Variants in RCL1 observed in about 807,000 individuals in gnomAD.
RCL1 encodes the protein RNA 3'-terminal phosphate cyclase-like protein.
In RCL1, 24 loss-of-function variants were observed where a neutral mutation model predicts 42.4. The observed-to-expected ratio is 0.57, with a 90% confidence interval of 0.41 to 0.80. The LOEUF (loss-of-function observed/expected upper bound fraction) is 0.80, where lower values mean the gene tolerates loss of function less well. Among genes scored for constraint, RCL1 ranks in the 30% least tolerant of loss-of-function variants. The probability of loss-of-function intolerance (pLI) is 0.00; values close to 1 mark genes in which losing one functional copy is unlikely to be tolerated. For missense variants in RCL1, 578 were observed against 467.9 expected (o/e 1.24, Z -2.17); for synonymous variants, 228 against 177.3 (o/e 1.29, Z -2.27).
chr9:4,820,843 C>G (rs146193956), intron 1 of RCL1, among the ~76,000 whole-genome samples: 1 of 152,330 alleles, frequency 6.6e-6, no homozygotes, highest in African/African-American at 2.4e-5. Context: ...CAGATACTTT[C>G]AAACTCCTGT....
intron 6 of RCL1, among the ~76,000 whole-genome samples, chr9:4,842,510 G>A (rs539277521): frequency 6.7e-4 from 102 of 152,330 alleles, no homozygotes; most frequent in Non-Finnish European, 1.3e-3. Context: ...GGCAAAGCTG[G>A]ACTTTCTGGC....
intron 1 of RCL1, among the ~76,000 whole-genome samples, chr9:4,819,848 A>G (rs1217372442): frequency 6.6e-6 from 1 of 152,174 alleles, no homozygotes; most frequent in Admixed American, 6.5e-5. Flanking sequence ...CAACTTTACC[A>G]CTACTCAATA....
chr9:4,810,314 C>G (rs988330685), intron 1 of RCL1, among the ~76,000 whole-genome samples: 2 of 152,160 alleles, frequency 1.3e-5, no homozygotes, highest in African/African-American at 4.8e-5. Context: ...TGCCAGCATC[C>G]TCCCATGCTT....
chr9:4,855,924 A>G (rs1817945240), intron 8 of RCL1, among the ~76,000 whole-genome samples: 1 of 152,210 alleles, frequency 6.6e-6, no homozygotes, highest in African/African-American at 2.4e-5. Context: ...AGAGATCAGA[A>G]GCAAGCTGAG....
At chr9:4,821,605 A>G (rs1326051665) in intron 1 of RCL1, among the ~76,000 whole-genome samples, 1 of 152,196 alleles carries the variant, frequency 6.6e-6, no homozygotes, top group African/African-American at 2.4e-5. Context: ...GTGGAAGAGC[A>G]AGAGAGGGAG....
At chr9:4,858,066 T>C (rs1818024022) in intron 8 of RCL1, among the ~76,000 whole-genome samples, 1 of 151,954 alleles carries the variant, frequency 6.6e-6, no homozygotes, top group Non-Finnish European at 1.5e-5. Context: ...AATTTTTTTG[T>C]AGAGATGGGG....
intron 1 of RCL1, among the ~76,000 whole-genome samples, chr9:4,807,992 T>G (rs1014765937): frequency 2.0e-5 from 3 of 152,202 alleles, no homozygotes; most frequent in African/African-American, 4.8e-5. Flanking sequence ...TTGGTGTATA[T>G]TCTGTGGACA....
intron 8 of RCL1, among the ~76,000 whole-genome samples, chr9:4,855,649 G>T (rs1817933466): frequency 6.6e-6 from 1 of 151,940 alleles, no homozygotes; most frequent in Non-Finnish European, 1.5e-5. Flanking sequence ...TTTTTTTTCA[G>T]GTTGTGAGCA....
At chr9:4,808,613 T>C (rs187626647) in intron 1 of RCL1, among the ~76,000 whole-genome samples, 6 of 152,300 alleles carry the variant, frequency 3.9e-5, no homozygotes, top group Admixed American at 3.9e-4. Context: ...AGTAGTTTTT[T>C]AGGGTGAAAG....
rs551463676 is a variant in RCL1 at position 4,860,328 on chromosome 9, C to T, written c.*53C>T. Reference sequence around the variant, plus strand: ...CCTACAGACAAAGCAGAAGCTGCCACGGACACCAATGGGACCAAGTCCAAA... The same window carrying T: ...CCTACAGACAAAGCAGAAGCTGCCATGGACACCAATGGGACCAAGTCCAAA... On this transcript the variant is annotated 3_prime_UTR_variant, in exon 9 of 9. Transcript: ENST00000381750. 34 of 1,582,664 alleles carry T rather than the reference C, an allele frequency of 2.1e-5. No homozygotes were observed. The highest frequency in any genetic ancestry group is 4.6e-5 in the East Asian group (2 of 43,734).
intron 1 of RCL1, among the ~76,000 whole-genome samples, chr9:4,797,119 G>T (rs1366613763): frequency 6.6e-6 from 1 of 152,128 alleles, no homozygotes; most frequent in African/African-American, 2.4e-5. Context: ...CTTGGTCCTT[G>T]GGCAAATTAT....
intron 3 of RCL1, among the ~76,000 whole-genome samples, chr9:4,829,362 A>G (rs1816874217): frequency 1.3e-5 from 2 of 152,232 alleles, no homozygotes; most frequent in South Asian, 4.1e-4. Flanking sequence ...GGAAGGGGCC[A>G]TAGATGACTT....
intron 8 of RCL1, among the ~76,000 whole-genome samples, chr9:4,854,233 A>G (rs1817855743): frequency 6.6e-6 from 1 of 152,130 alleles, no homozygotes; most frequent in African/African-American, 2.4e-5. Flanking sequence ...CAGCTAGCCT[A>G]GTTCTCTGTT....
chr9:4,803,679 G>A (rs1292100465), intron 1 of RCL1: 1 of 152,162 alleles, frequency 6.6e-6, no homozygotes, highest in African/African-American at 2.4e-5. Context: ...TGATTGTAGT[G>A]CTTCCCAGGT....
chr9:4,844,770 A>C, intron 7 of RCL1, 89 bp downstream of exon 7: 1 of 1,358,558 alleles, frequency 7.4e-7, no homozygotes, highest in Non-Finnish European at 1.0e-6. Context: ...GTCCTCTTCC[A>C]AGGGCTCAAG....
intron 7 of RCL1, among the ~76,000 whole-genome samples, chr9:4,845,469 G>A (rs1401260383): frequency 6.6e-6 from 1 of 152,200 alleles, no homozygotes; most frequent in Admixed American, 6.5e-5. Flanking sequence ...CACTTTTACT[G>A]TTTCCTCAAA....
intron 1 of RCL1, among the ~76,000 whole-genome samples, chr9:4,818,403 A>G (rs418727): frequency 0.34 from 51,736 of 152,062 alleles, 10,347 homozygotes; most frequent in Non-Finnish European, 0.45. Context: ...ATCACATTGT[A>G]TATAATAATG....
chr9:4,831,896 A>G (rs1054090186), intron 3 of RCL1, among the ~76,000 whole-genome samples: 1 of 152,210 alleles, frequency 6.6e-6, no homozygotes, highest in Non-Finnish European at 1.5e-5. Context: ...CCTTAGAGAT[A>G]AGGAAATTCA....
At chr9:4,837,086 G>A (rs1817164305) in intron 5 of RCL1, among the ~76,000 whole-genome samples, 2 of 152,124 alleles carry the variant, frequency 1.3e-5, no homozygotes, top group Non-Finnish European at 2.9e-5. Flanking sequence ...TTCAACTCTA[G>A]TATCCAAATC....
Sources: allele counts gnomAD v4.1 joint callset (sites outside exome capture counted in the v4.1 genomes callset), GRCh38; gene constraint gnomAD v4.1.1; transcripts MANE v1.5; gene names NCBI Gene and HGNC (gene_info 2026-07-23, HGNC 2026-07-21).